The following RALGPS1 variants were observed in gnomAD, a reference collection of about 807,000 sequenced individuals.
RALGPS1 encodes the protein Ral GEF with PH domain and SH3 binding motif 1, also known as ras-specific guanine nucleotide-releasing factor RalGPS1.
In RALGPS1, 19 loss-of-function variants were observed where a neutral mutation model predicts 78.8. That is an observed-to-expected ratio of 0.24 (90% CI 0.17 to 0.35). RALGPS1 has a LOEUF of 0.35. Among genes scored for constraint, RALGPS1 ranks in the 10% least tolerant of loss-of-function variants. The pLI, the probability that RALGPS1 is intolerant of heterozygous loss-of-function variation, is 1.00. For synonymous variants in RALGPS1, 228 were observed against 256.3 expected (o/e 0.89, Z 1.06); for missense variants, 454 against 688.3 (o/e 0.66, Z 3.81).
chr9:127,189,503 G>GC (rs2060904213), intron 11 of RALGPS1, among the ~76,000 whole-genome samples: 1 of 152,194 alleles, frequency 6.6e-6, no homozygotes, highest in Non-Finnish European at 1.5e-5. Context: ...CATGCTTGGT[G>GC]CCTACCCACT....
intron 8 of RALGPS1, chr9:127,107,789 G>T: frequency 1.0e-6 from 1 of 959,730 alleles, no homozygotes; most frequent in Non-Finnish European, 1.5e-6. Flanking sequence ...GGATTGCTGG[G>T]GGATTGTGCA....
chr9:126,983,448 C>T (rs2041511764), intron 4 of RALGPS1, among the ~76,000 whole-genome samples: 1 of 152,070 alleles, frequency 6.6e-6, no homozygotes, highest in African/African-American at 2.4e-5. Context: ...TATTATTTCC[C>T]TCCTTCAAAC....
intron 8 of RALGPS1, among the ~76,000 whole-genome samples, chr9:127,090,659 C>T (rs550679268): frequency 3.3e-5 from 5 of 152,240 alleles, no homozygotes; most frequent in Non-Finnish European, 7.3e-5. Context: ...TGAGAGCTCG[C>T]TTCTCAAGTG....
chr9:127,026,046 A>G (rs2094539), intron 4 of RALGPS1, among the ~76,000 whole-genome samples: 21,045 of 152,094 alleles, frequency 0.14, 4,799 homozygotes, highest in African/African-American at 0.48. Flanking sequence ...AACTAATTTT[A>G]TCTATATATA....
chr9:127,166,678 C>G (rs1427565164), intron 9 of RALGPS1, among the ~76,000 whole-genome samples: 1 of 152,122 alleles, frequency 6.6e-6, no homozygotes, highest in Non-Finnish European at 1.5e-5. Flanking sequence ...TTTTATGGTC[C>G]AGGCTTGCAA....
chr9:126,955,643 AT>A (rs1254574815), intron 1 of RALGPS1, among the ~76,000 whole-genome samples: 1 of 152,128 alleles, frequency 6.6e-6, no homozygotes, highest in African/African-American at 2.4e-5. Flanking sequence ...TTTTAATATA[AT>A]TTTTTGGTAT....
At chr9:127,133,950 C>G (rs1002975090) in intron 8 of RALGPS1, among the ~76,000 whole-genome samples, 1 of 152,078 alleles carries the variant, frequency 6.6e-6, no homozygotes, top group African/African-American at 2.4e-5. Flanking sequence ...GCCCCTGCCT[C>G]CTAGGCTGCT....
rs945340447 is a variant in RALGPS1, at chr9:127,122,114, G to A, written c.611-43955G>A. 2.6e-5 allele frequency among the ~76,000 whole-genome samples: 4 copies of A among 152,168 alleles called. No individual in the cohort carries two copies. Among genetic ancestry groups the A allele is most frequent in the African/African-American group, 9.7e-5 (4 of 41,430 alleles). ...CCTCGAGATGCCAGCCCATGATCAT[G>A]TGCCCCCAAACACCACCAAATGTCC... On this transcript the variant is annotated intron_variant, in intron 8 of 18. Coordinates refer to ENST00000259351, the MANE Select transcript of RALGPS1 (RefSeq NM_014636.3). The surrounding 1 kb of genome is among the most constrained non-coding windows in gnomAD (Gnocchi z 6.4).
chr9:127,216,379 G>C (rs868611281), intron 18 of RALGPS1, among the ~76,000 whole-genome samples: 4 of 152,160 alleles, frequency 2.6e-5, no homozygotes, highest in African/African-American at 9.7e-5. Flanking sequence ...ATCTGACTTC[G>C]GGGAATTTGT....
At chr9:127,210,626 C>T in intron 14 of RALGPS1, 1 of 1,208,844 alleles carries the variant, frequency 8.3e-7, no homozygotes, top group Non-Finnish European at 1.2e-6. Flanking sequence ...TGTCGGGGTG[C>T]TCTTGCCTCC....
chr9:127,034,599 C>T (rs2046703224), intron 5 of RALGPS1, 85 bp downstream of exon 5: 1 of 1,156,914 alleles, frequency 8.6e-7, no homozygotes, highest in East Asian at 2.4e-5. Context: ...CCAAAGCTGT[C>T]TCCCAGGCTC....
intron 8 of RALGPS1, among the ~76,000 whole-genome samples, chr9:127,146,114 A>G (rs549918098): frequency 2.0e-5 from 3 of 152,154 alleles, no homozygotes; most frequent in East Asian, 1.9e-4. Flanking sequence ...GTACATGTAC[A>G]TATTTGTTAC....
chr9:127,048,911 A>G (rs62580844), intron 5 of RALGPS1, among the ~76,000 whole-genome samples: 1,682 of 152,320 alleles, frequency 0.011, 25 homozygotes, highest in Non-Finnish European at 0.016. Context: ...ACATTTCTAT[A>G]ATACTCCTGC....
intron 6 of RALGPS1, among the ~76,000 whole-genome samples, chr9:127,052,058 G>T (rs1166641147): frequency 6.6e-6 from 1 of 152,218 alleles, no homozygotes; most frequent in Non-Finnish European, 1.5e-5. Context: ...TGCCGTGATT[G>T]CCTTCTGCAC....
intron 4 of RALGPS1, among the ~76,000 whole-genome samples, chr9:127,000,809 C>A (rs931900130): frequency 6.6e-6 from 1 of 151,498 alleles, no homozygotes; most frequent in South Asian, 2.1e-4. Context: ...CTGCCTCAGC[C>A]TCCCAAAGCG....
At chr9:126,938,959 G>A (rs1231166002) in intron 1 of RALGPS1, among the ~76,000 whole-genome samples, 3 of 152,228 alleles carry the variant, frequency 2.0e-5, no homozygotes, top group African/African-American at 7.2e-5. Context: ...AAAGAAGCAG[G>A]CTGGGTGTGG....
At chr9:127,011,049 A>G (rs2044290522) in intron 4 of RALGPS1, among the ~76,000 whole-genome samples, 1 of 151,860 alleles carries the variant, frequency 6.6e-6, no homozygotes, top group Admixed American at 6.6e-5. Flanking sequence ...TACTTCAGTC[A>G]CTTCCTCTGT....
chr9:127,048,215 C>A (rs1367847644), intron 5 of RALGPS1, among the ~76,000 whole-genome samples: 1 of 152,102 alleles, frequency 6.6e-6, no homozygotes, highest in Non-Finnish European at 1.5e-5. Flanking sequence ...TCACTCACAA[C>A]CCCCACCCAC....
In RALGPS1 at chr9:127,076,587, C is replaced by G. The variant is rs377421020; in HGVS notation, c.610+7231C>G. Among the ~76,000 whole-genome samples the G allele has an allele frequency of 2.0e-4, 30 of 152,234 alleles. No homozygotes were observed. In the South Asian group the frequency reaches 6.0e-3, roughly 31 times the overall value. ...AAGTTTAAAATCAAGACAAATTTTT[C>G]CAAATATAAAATCAACAGGGCTAAA... is the stretch of plus-strand genomic sequence containing the variant. On this transcript the variant is annotated intron_variant, in intron 8 of 18. Coordinates refer to ENST00000259351, the MANE Select transcript of RALGPS1 (RefSeq NM_014636.3).
Sources: gnomAD v4.1 joint callset for allele counts (sites outside exome capture counted in the v4.1 genomes callset) on GRCh38, gnomAD v4.1.1 for gene constraint, Gnocchi (gnomAD v3.1) non-coding constraint, MANE v1.5 for transcripts, NCBI Gene and HGNC (gene_info 2026-07-23, HGNC 2026-07-21) for gene names.